SH3PXD2A: variants seen among roughly 807,000 people sequenced by gnomAD.
SH3PXD2A encodes SH3 and PX domain-containing protein 2A.
SH3PXD2A carries 32 observed loss-of-function variants against 115.2 expected under a neutral mutation model. That is an observed-to-expected ratio of 0.28 (90% CI 0.21 to 0.37). The LOEUF is 0.37. Among genes scored for constraint, SH3PXD2A ranks in the 10% least tolerant of loss-of-function variants. SH3PXD2A has a pLI of 1.00. For missense variants in SH3PXD2A, 1,328 were observed against 1,498.7 expected, an observed-to-expected ratio of 0.89 and a Z score of 1.88; for synonymous variants, 610 against 629.1, an observed-to-expected ratio of 0.97 and a Z score of 0.45.
At chr10:103,700,436 C>T (rs1190332073) in intron 5 of SH3PXD2A, among the ~76,000 whole-genome samples, 1 of 152,144 alleles carries the variant, frequency 6.6e-6, no homozygotes, top group East Asian at 1.9e-4. Flanking sequence ...GGCCGCAATG[C>T]AGGAGGTGCT....
chr10:103,693,011 C>G lies in SH3PXD2A; in HGVS notation c.427+17G>C. The G allele has an allele frequency of 6.2e-7, 1 of 1,611,370 alleles. No homozygotes were observed. Among genetic ancestry groups the G allele is most frequent in the South Asian group, 1.1e-5 (1 of 90,968 alleles). ...GGGAAGGAAGGCTGAAGGGAAAACG[C>G]CCGGAGGCTCCCTTACCTGATTTCC... is the stretch of plus-strand genomic sequence containing the variant. On this transcript the variant is annotated intron_variant, in intron 6 of 14. Coordinates refer to ENST00000369774, the MANE Select transcript of SH3PXD2A (RefSeq NM_001394015.1).
At chr10:103,832,862 G>A (rs1436560616) in intron 1 of SH3PXD2A, among the ~76,000 whole-genome samples, 1 of 151,854 alleles carries the variant, frequency 6.6e-6, no homozygotes, top group African/African-American at 2.4e-5. Flanking sequence ...TGCACATTGT[G>A]CACATGTACC....
chr10:103,612,019 G>A (rs1008186430), intron 12 of SH3PXD2A, among the ~76,000 whole-genome samples: 7 of 152,208 alleles, frequency 4.6e-5, no homozygotes, highest in Non-Finnish European at 7.3e-5. Context: ...CAGGCAAGAG[G>A]AGGTGCCCAA....
At chr10:103,844,310 C>T (rs1327441015) in intron 1 of SH3PXD2A, among the ~76,000 whole-genome samples, 2 of 152,206 alleles carry the variant, frequency 1.3e-5, no homozygotes, top group Non-Finnish European at 2.9e-5. Flanking sequence ...CAGAGTTTCA[C>T]CCTCTCGGAG....
intron 5 of SH3PXD2A, among the ~76,000 whole-genome samples, chr10:103,718,504 A>AG (rs1210562128): frequency 6.6e-6 from 1 of 152,082 alleles, no homozygotes; most frequent in African/African-American, 2.4e-5. Context: ...GGGGGGCTGG[A>AG]GGGGCCTAAC....
chr10:103,602,770 C>T lies in SH3PXD2A; in HGVS notation c.2448G>A (p.Arg816=). The T allele has an allele frequency of 1.9e-6, 3 of 1,614,078 alleles. No homozygotes were observed. The highest frequency in any genetic ancestry group is 1.1e-5 in the South Asian group (1 of 91,056). ...GGGTGATGAGGTCGGATGAGCTTCTCCTAGACCCCTCACTGGGAGCCTCGG... is the reference window on the plus strand; with the variant it reads ...GGGTGATGAGGTCGGATGAGCTTCTTCTAGACCCCTCACTGGGAGCCTCGG... ...TASEAPSEGS[R]RSSSDLITLP... is the part of the protein sequence containing the mutation. The change falls in exon 15 of 15, where the codon AGG becomes AGA. Residue 816 remains arginine, a synonymous_variant. Transcript: ENST00000369774.
intron 8 of SH3PXD2A, among the ~76,000 whole-genome samples, chr10:103,641,796 T>A (rs987953330): frequency 6.6e-6 from 1 of 152,102 alleles, no homozygotes; most frequent in Non-Finnish European, 1.5e-5. Context: ...GCCCACATGG[T>A]AGGGCGAGGC....
chr10:103,626,172 G>A (rs1012878675), intron 9 of SH3PXD2A, among the ~76,000 whole-genome samples: 1 of 152,274 alleles, frequency 6.6e-6, no homozygotes, highest in Non-Finnish European at 1.5e-5. Context: ...GTAAAGCCTC[G>A]ACATAGGAGG....
chr10:103,731,239 C>T (rs1468313781), intron 4 of SH3PXD2A, among the ~76,000 whole-genome samples: 1 of 151,794 alleles, frequency 6.6e-6, no homozygotes, highest in East Asian at 1.9e-4. Flanking sequence ...TGGCTCACTG[C>T]AGCCTCTGCC....
intron 2 of SH3PXD2A, among the ~76,000 whole-genome samples, chr10:103,780,737 A>C (rs552398521): frequency 6.6e-6 from 1 of 152,314 alleles, no homozygotes; most frequent in African/African-American, 2.4e-5. Context: ...CCTCTGTTAG[A>C]AATTTCCTGG....
intron 1 of SH3PXD2A, among the ~76,000 whole-genome samples, chr10:103,849,532 G>A (rs1842878452): frequency 1.3e-5 from 2 of 152,152 alleles, no homozygotes; most frequent in African/African-American, 4.8e-5. Flanking sequence ...TTGCCTGGGG[G>A]TTACCCAGAG....
chr10:103,813,232 A>T (rs866553722), intron 1 of SH3PXD2A, among the ~76,000 whole-genome samples: 9 of 152,348 alleles, frequency 5.9e-5, no homozygotes, highest in South Asian at 4.1e-4. Flanking sequence ...AAAAAAATAC[A>T]ACAAATTGAT....
intron 9 of SH3PXD2A, among the ~76,000 whole-genome samples, chr10:103,626,719 G>C (rs535474036): frequency 1.3e-5 from 2 of 151,176 alleles, no homozygotes; most frequent in Non-Finnish European, 2.9e-5. Context: ...TTGAGCCCAG[G>C]AGTTTGAGAC....
rs546641555 is a variant in SH3PXD2A at position 103,814,025 on chromosome 10, A to C, written c.73-12663T>G. Among the ~76,000 whole-genome samples the C allele has an allele frequency of 4.3e-3, 655 of 151,798 alleles. 5 individuals carry two copies. Among genetic ancestry groups the C allele is most frequent in the African/African-American group, 0.015 (609 of 41,188 alleles). ...AAAAAAAAAAAAAAAACAACAAAAA[A>C]AAAACCACACCCTTTTAATAGAAAG... On this transcript the variant is annotated intron_variant, in intron 1 of 14. Transcript: ENST00000369774.
intron 5 of SH3PXD2A, among the ~76,000 whole-genome samples, chr10:103,696,762 G>T (rs559783420): frequency 6.6e-6 from 1 of 152,288 alleles, no homozygotes; most frequent in East Asian, 1.9e-4. Flanking sequence ...TCCTAAAACA[G>T]CTCCCATCAG....
intron 2 of SH3PXD2A, among the ~76,000 whole-genome samples, chr10:103,774,939 C>A (rs949088038): frequency 9.2e-5 from 14 of 152,092 alleles, no homozygotes; most frequent in African/African-American, 2.9e-4. Context: ...CAGCTGGACG[C>A]CTGGAGTGTT....
At chr10:103,815,847 C>A (rs1005438449) in intron 1 of SH3PXD2A, among the ~76,000 whole-genome samples, 1 of 151,190 alleles carries the variant, frequency 6.6e-6, no homozygotes, top group Non-Finnish European at 1.5e-5. Flanking sequence ...TGAGATCATG[C>A]CATTGCACTC....
rs1237224644 is a variant in SH3PXD2A at position 103,756,145 on chromosome 10, G to A, written c.229+10949C>T. Among the ~76,000 whole-genome samples the A allele has an allele frequency of 6.6e-6, 1 of 152,212 alleles. No individual in the cohort carries two copies. The highest frequency in any genetic ancestry group is 2.4e-5 in the African/African-American group (1 of 41,452). On this transcript the variant is annotated intron_variant, in intron 3 of 14. Coordinates refer to ENST00000369774, the MANE Select transcript of SH3PXD2A (RefSeq NM_001394015.1). This position sits in a 1 kb window ranked among gnomAD's most constrained non-coding sequence, Gnocchi z 4.4. Reference sequence around the variant, plus strand: ...CATCAGTCCTGGGAACTGTGGAGGTGAAGGGGGAGGAGGTATTTTCAGCGC... The same window carrying A: ...CATCAGTCCTGGGAACTGTGGAGGTAAAGGGGGAGGAGGTATTTTCAGCGC...
At position 103,693,052 on chromosome 10, in the gene SH3PXD2A, A is replaced by G; in HGVS notation, c.403T>C (p.Tyr135His). ...CCTGATTTCCTCTTGGAACTGCCAT[A>G]GTCCCTGAAAAAGAAGCAACAACAG... is the stretch of plus-strand genomic sequence containing the variant. ...PEDVNPPKEDYGSSKRKSVWL... is the reference protein window; with the variant it reads ...PEDVNPPKEDHGSSKRKSVWL... The change falls in exon 6 of 15, where the codon TAT (tyrosine) becomes CAT (histidine). Residue 135 changes from tyrosine (Y) to histidine (H), a missense_variant. By Grantham distance (83) the Tyr-to-His change is moderately conservative. Transcript: ENST00000369774. 6.2e-7 allele frequency: 1 copy of G among 1,613,636 alleles called. No individual in the cohort carries two copies. Among genetic ancestry groups the G allele is most frequent in the Non-Finnish European group, 8.5e-7 (1 of 1,179,694 alleles).
Sources: allele counts gnomAD v4.1 joint callset (sites outside exome capture counted in the v4.1 genomes callset), GRCh38; gene constraint gnomAD v4.1.1; non-coding constraint Gnocchi (gnomAD v3.1); transcripts MANE v1.5; gene names NCBI Gene and HGNC (gene_info 2026-07-23, HGNC 2026-07-21).